ADD3: variants seen among roughly 807,000 people sequenced by gnomAD.
ADD3 encodes the protein gamma-adducin.
A neutral mutation model predicts 80.2 loss-of-function variants in ADD3; 25 were observed. The ratio of observed to expected loss-of-function variants is 0.31; its 90% CI spans 0.23 to 0.44. The LOEUF is 0.44. Among genes scored for constraint, ADD3 ranks in the 20% least tolerant of loss-of-function variants. The pLI is 1.00. For missense variants in ADD3, 829 were observed against 847.5 expected (o/e 0.98, Z 0.27); for synonymous variants, 284 against 289.6 (o/e 0.98, Z 0.20).
At chr10:110,068,857 A>G (rs1888294) in intron 1 of ADD3, among the ~76,000 whole-genome samples, 142,161 of 152,142 alleles carry the variant, frequency 0.93, 66,649 homozygotes, top group East Asian at 1. Context: ...GAGCTGGATC[A>G]CTTGAGCGCA....
intron 1 of ADD3, among the ~76,000 whole-genome samples, chr10:110,079,930 A>G (rs1293005346): frequency 6.6e-6 from 1 of 152,078 alleles, no homozygotes; most frequent in Non-Finnish European, 1.5e-5. Context: ...GGATATTTGG[A>G]TCATTTCCAA....
chr10:110,108,911 C>T (rs1490092128), intron 2 of ADD3, among the ~76,000 whole-genome samples: 2 of 152,080 alleles, frequency 1.3e-5, no homozygotes, highest in Admixed American at 6.6e-5. Flanking sequence ...AGAAGCTATT[C>T]GTCAGCTTTA....
intron 1 of ADD3, among the ~76,000 whole-genome samples, chr10:110,059,573 C>T (rs1858624391): frequency 6.7e-6 from 1 of 149,874 alleles, no homozygotes; most frequent in African/African-American, 2.5e-5. Flanking sequence ...ACAGCCTGGC[C>T]ACTATCACCA....
intron 1 of ADD3, among the ~76,000 whole-genome samples, chr10:110,062,311 T>G (rs1859021554): frequency 6.7e-6 from 1 of 150,022 alleles, no homozygotes; most frequent in African/African-American, 2.5e-5. Context: ...GGAGAATGGC[T>G]TGAACCTGGA....
upstream of ADD3, among the ~76,000 whole-genome samples, chr10:110,003,380 C>T (rs1851526935): frequency 6.6e-6 from 1 of 151,474 alleles, no homozygotes; most frequent in African/African-American, 2.4e-5. Context: ...CTTTCTGAAA[C>T]AACAAGTAGT....
chr10:110,060,593 G>A (rs995717387), intron 1 of ADD3, among the ~76,000 whole-genome samples: 4 of 152,210 alleles, frequency 2.6e-5, no homozygotes, highest in Non-Finnish European at 4.4e-5. Context: ...GGACAACTTC[G>A]GGACATTTCT....
intron 1 of ADD3, among the ~76,000 whole-genome samples, chr10:110,082,475 G>T (rs548532635): frequency 6.6e-6 from 1 of 152,154 alleles, no homozygotes; most frequent in East Asian, 1.9e-4. Flanking sequence ...TGGAAGCCAT[G>T]AATTCAAGTT....
chr10:110,071,453 C>T (rs922411808), intron 1 of ADD3, among the ~76,000 whole-genome samples: 2 of 152,126 alleles, frequency 1.3e-5, no homozygotes, highest in African/African-American at 4.8e-5. Flanking sequence ...AAAGTAAAAA[C>T]AAATTGCATG....
chr10:110,056,749 A>G (rs1169569574), intron 1 of ADD3, among the ~76,000 whole-genome samples: 1 of 152,190 alleles, frequency 6.6e-6, no homozygotes, highest in Non-Finnish European at 1.5e-5. Flanking sequence ...ATTTGAAACA[A>G]TTGGCACACA....
chr10:110,007,639 C>G (rs1313918726), upstream of ADD3, among the ~76,000 whole-genome samples: 1 of 152,184 alleles, frequency 6.6e-6, no homozygotes, highest in Non-Finnish European at 1.5e-5. Flanking sequence ...AGGCGCCAGG[C>G]AGCCGCCCCG....
At chr10:110,107,280 G>C (rs1849496488) in intron 2 of ADD3, among the ~76,000 whole-genome samples, 1 of 152,010 alleles carries the variant, frequency 6.6e-6, no homozygotes, top group South Asian at 2.1e-4. Flanking sequence ...CTCCTAACTT[G>C]GATGATTAGG....
At chr10:110,101,478 T>C (rs536711198) in intron 2 of ADD3, among the ~76,000 whole-genome samples, 34 of 151,770 alleles carry the variant, frequency 2.2e-4, no homozygotes, top group African/African-American at 7.7e-4. Context: ...TACAAAAAAA[T>C]TTAAAAATTA....
At chr10:110,090,701 C>A (rs1288113519) in intron 1 of ADD3, among the ~76,000 whole-genome samples, 2 of 151,958 alleles carry the variant, frequency 1.3e-5, no homozygotes, top group Non-Finnish European at 2.9e-5. Context: ...ACTGAAACAC[C>A]CTCTTAGCTG....
intron 4 of ADD3, 111 bp downstream of exon 4, chr10:110,116,521 A>G: frequency 8.2e-6 from 9 of 1,090,972 alleles, no homozygotes; most frequent in South Asian, 1.5e-5. Context: ...CTCTAAACCT[A>G]GTATGCTAGA....
intron 13 of ADD3, 32 bp from the exon 14 acceptor site, chr10:110,132,273 G>T (rs1434765981): frequency 2.7e-6 from 4 of 1,504,586 alleles, no homozygotes; most frequent in Non-Finnish European, 3.7e-6. Flanking sequence ...GTTTTGTTTT[G>T]CATGGCTTTT....
chr10:110,085,904 G>A (rs1246654130), intron 1 of ADD3, among the ~76,000 whole-genome samples: 1 of 151,976 alleles, frequency 6.6e-6, no homozygotes, highest in Non-Finnish European at 1.5e-5. Flanking sequence ...TCGGGAGTTC[G>A]AGTCCAGCCT....
At chr10:110,059,491 G>A (rs932207304) in intron 1 of ADD3, among the ~76,000 whole-genome samples, 12 of 151,140 alleles carry the variant, frequency 7.9e-5, no homozygotes, top group Admixed American at 2.6e-4. Context: ...TAAATAGGCC[G>A]GGTGCAGGTG....
intron 1 of ADD3, among the ~76,000 whole-genome samples, chr10:110,011,743 CTG>C (rs1444034819): frequency 1.3e-5 from 2 of 152,230 alleles, no homozygotes; most frequent in African/African-American, 4.8e-5. Flanking sequence ...CAGTCCTAGA[CTG>C]TCATGTCATT....
intron 10 of ADD3, among the ~76,000 whole-genome samples, chr10:110,124,791 T>A (rs145403846): frequency 2.4e-4 from 37 of 152,346 alleles, no homozygotes; most frequent in African/African-American, 8.7e-4. Flanking sequence ...TGCATTAGAT[T>A]TGGTTTGGTT....
Sources: allele counts gnomAD v4.1 joint callset (sites outside exome capture counted in the v4.1 genomes callset), GRCh38; gene constraint gnomAD v4.1.1; transcripts MANE v1.5; gene names NCBI Gene and HGNC (gene_info 2026-07-23, HGNC 2026-07-21).